SOX5: variants seen among roughly 807,000 people sequenced by gnomAD.
SOX5 encodes the protein transcription factor SOX-5.
SOX5 carries 9 observed loss-of-function variants against 92.0 expected under a neutral mutation model. That is an observed-to-expected ratio of 0.10 (90% CI 0.06 to 0.17). The LOEUF is 0.17. Among genes scored for constraint, SOX5 ranks in the 10% least tolerant of loss-of-function variants. The pLI, the probability that SOX5 is intolerant of heterozygous loss-of-function variation, is 1.00. For missense variants in SOX5, 642 were observed against 944.5 expected, an observed-to-expected ratio of 0.68 and a Z score of 4.20; for synonymous variants, 344 against 336.3, an observed-to-expected ratio of 1.02 and a Z score of -0.25.
At chr12:23,981,534 AT>A (rs1287277700) in intron 4 of SOX5, among the ~76,000 whole-genome samples, 3 of 152,164 alleles carry the variant, frequency 2.0e-5, no homozygotes, top group Middle Eastern at 6.8e-3. Context: ...TATTTATTGC[AT>A]TTTTTCACTA....
chr12:24,494,707 G>A (rs1444277486), intron 1 of SOX5, among the ~76,000 whole-genome samples: 1 of 151,990 alleles, frequency 6.6e-6, no homozygotes, highest in East Asian at 1.9e-4. Context: ...TCTATGTAAG[G>A]CAGTTCCAAA....
intron 4 of SOX5, among the ~76,000 whole-genome samples, chr12:24,113,118 C>G (rs1947567254): frequency 6.6e-6 from 1 of 151,066 alleles, no homozygotes; most frequent in African/African-American, 2.4e-5. Flanking sequence ...AATGTCCTAC[C>G]TGTAATATAA....
chr12:23,697,576 G>A (rs2090050794), intron 6 of SOX5, among the ~76,000 whole-genome samples: 1 of 151,994 alleles, frequency 6.6e-6, no homozygotes, highest in Non-Finnish European at 1.5e-5. Context: ...TTAAAGGCAG[G>A]TTCTCACTCC....
intron 1 of SOX5, among the ~76,000 whole-genome samples, chr12:24,420,109 C>CT (rs1195396167): frequency 1.3e-5 from 2 of 152,184 alleles, no homozygotes; most frequent in African/African-American, 4.8e-5. Context: ...CTCACATGTA[C>CT]TAACATGATT....
intron 1 of SOX5, among the ~76,000 whole-genome samples, chr12:24,495,520 G>C (rs988111250): frequency 2.6e-5 from 4 of 152,160 alleles, no homozygotes; most frequent in African/African-American, 9.7e-5. Context: ...GCATTGCAAA[G>C]TATCAACCAA....
intron 3 of SOX5, among the ~76,000 whole-genome samples, chr12:23,773,482 C>T (rs972101634): frequency 2.0e-5 from 3 of 152,142 alleles, no homozygotes; most frequent in African/African-American, 7.2e-5. Flanking sequence ...AGGGAATCTC[C>T]TGCCTCAGCC....
chr12:24,455,190 C>T (rs1451562513), intron 1 of SOX5, among the ~76,000 whole-genome samples: 1 of 152,162 alleles, frequency 6.6e-6, no homozygotes, highest in Non-Finnish European at 1.5e-5. Flanking sequence ...TAATCCATTG[C>T]ACAGGAGAAA....
chr12:24,175,549 G>A (rs1593938169), intron 4 of SOX5, among the ~76,000 whole-genome samples: 1 of 152,118 alleles, frequency 6.6e-6, no homozygotes, highest in East Asian at 1.9e-4. Flanking sequence ...TGTATCCTTA[G>A]GTTATAAAAT....
chr12:23,736,571 G>A (rs1000107766), intron 5 of SOX5, among the ~76,000 whole-genome samples: 1 of 151,868 alleles, frequency 6.6e-6, no homozygotes, highest in African/African-American at 2.4e-5. Context: ...GAGGATGGAT[G>A]TACCTGGCTG....
chr12:24,083,412 G>T (rs1266218808), intron 4 of SOX5, among the ~76,000 whole-genome samples: 1 of 152,050 alleles, frequency 6.6e-6, no homozygotes, highest in Non-Finnish European at 1.5e-5. Flanking sequence ...TATGCTATCT[G>T]CCAGGCATTG....
intron 7 of SOX5, among the ~76,000 whole-genome samples, chr12:23,652,118 TC>T (rs2081648587): frequency 6.6e-6 from 1 of 152,052 alleles, no homozygotes; most frequent in Non-Finnish European, 1.5e-5. Flanking sequence ...TAGTTCTCAA[TC>T]CATATATTTT....
chr12:24,374,795 C>A (rs1406102402), intron 1 of SOX5, among the ~76,000 whole-genome samples: 1 of 152,096 alleles, frequency 6.6e-6, no homozygotes, highest in Non-Finnish European at 1.5e-5. Context: ...CACTCCCAGC[C>A]CTAGCCACAG....
At chr12:24,185,547 G>A (rs907616320) in intron 4 of SOX5, among the ~76,000 whole-genome samples, 40 of 152,208 alleles carry the variant, frequency 2.6e-4, no homozygotes, top group African/African-American at 9.6e-4. Flanking sequence ...GATTTTGTTT[G>A]TTCTAGGAGG....
chr12:23,551,157 G>C (rs926543161), intron 11 of SOX5, among the ~76,000 whole-genome samples: 2 of 151,954 alleles, frequency 1.3e-5, no homozygotes, highest in African/African-American at 4.8e-5. Context: ...CTCAGTAACA[G>C]TTAAACCTCT....
chr12:24,507,730 AAG>A (rs1292933760), intron 1 of SOX5, among the ~76,000 whole-genome samples: 3 of 152,310 alleles, frequency 2.0e-5, no homozygotes, highest in South Asian at 2.1e-4. Context: ...CACCTATGGA[AAG>A]AGGGGTGAAA....
At chr12:24,163,355 C>T (rs1294450048) in intron 4 of SOX5, among the ~76,000 whole-genome samples, 1 of 151,996 alleles carries the variant, frequency 6.6e-6, no homozygotes, top group African/African-American at 2.4e-5. Flanking sequence ...AACAGTAGGC[C>T]TGATCCAGGA....
intron 1 of SOX5, among the ~76,000 whole-genome samples, chr12:24,385,796 G>A (rs1305764089): frequency 6.6e-6 from 1 of 151,910 alleles, no homozygotes; most frequent in Non-Finnish European, 1.5e-5. Context: ...GCTGGTCATG[G>A]TGGTGCATTT....
intron 4 of SOX5, chr12:24,213,329 G>T (rs1462054239): frequency 6.8e-6 from 1 of 147,846 alleles, no homozygotes; most frequent in Non-Finnish European, 1.5e-5. Flanking sequence ...AAATGGTAAT[G>T]TAAATGTCCT....
chr12:23,713,949 G>A (rs1335774998), intron 6 of SOX5, among the ~76,000 whole-genome samples: 1 of 150,790 alleles, frequency 6.6e-6, no homozygotes, highest in African/African-American at 2.4e-5. Context: ...AAAATTAGTT[G>A]GGTGTGGCGG....
Sources: gnomAD v4.1 joint callset for allele counts (sites outside exome capture counted in the v4.1 genomes callset) on GRCh38, gnomAD v4.1.1 for gene constraint, MANE v1.5 for transcripts, NCBI Gene and HGNC (gene_info 2026-07-23, HGNC 2026-07-21) for gene names.